The following IFT43 variants were observed in gnomAD, a reference collection of about 807,000 sequenced individuals.
The protein encoded by IFT43 is intraflagellar transport protein 43 homolog.
In IFT43, 33 loss-of-function variants were observed where a neutral mutation model predicts 32.3. The ratio of observed to expected loss-of-function variants is 1.02; its 90% confidence interval spans 0.77 to 1.37. The LOEUF is 1.37. Among genes scored for constraint, IFT43 ranks in the 40% most tolerant of loss-of-function variants. The probability of loss-of-function intolerance (pLI) is 0.00; values close to 1 mark genes in which losing one functional copy is unlikely to be tolerated. For synonymous variants in IFT43, 93 were observed against 98.2 expected (o/e 0.95, Z 0.31); for missense variants, 274 against 265.9 (o/e 1.03, Z -0.21).
At chr14:76,061,669 G>T (rs1225708285) in intron 5 of IFT43, among the ~76,000 whole-genome samples, 1 of 151,950 alleles carries the variant, frequency 6.6e-6, no homozygotes, top group African/African-American at 2.4e-5. Context: ...GTTTCCTTTT[G>T]TATATCTTCC....
At chr14:76,010,383 C>G (rs2036060843) in intron 2 of IFT43, among the ~76,000 whole-genome samples, 1 of 152,140 alleles carries the variant, frequency 6.6e-6, no homozygotes, top group Non-Finnish European at 1.5e-5. Flanking sequence ...TCCTCCATAC[C>G]AACCCTGCCT....
At chr14:76,075,632 C>G (rs2037399782) in intron 5 of IFT43, among the ~76,000 whole-genome samples, 2 of 152,198 alleles carry the variant, frequency 1.3e-5, no homozygotes, top group Admixed American at 1.3e-4. Flanking sequence ...ACAGAATTTG[C>G]TGAACACGGC....
chr14:76,058,514 A>T lies in IFT43; in HGVS notation c.216-128A>T, dbSNP rs2037068300. On this transcript the variant is annotated intron_variant, in intron 3 of 8. Transcript: ENST00000314067. ...GTTGTGGGGCTTGTCTCTAAAGAGG[A>T]CTGCAGACAAATAAAGCACTTGAGA... 3.9e-6 allele frequency: 4 copies of T among 1,028,730 alleles called. 1 individual carries two copies. In the South Asian group the frequency reaches 5.6e-5, roughly 14 times the overall value. 63.7% of individuals were successfully genotyped at this position (1,028,730 alleles called of 1,614,324 possible).
intron 4 of IFT43, chr14:76,059,029 T>C: frequency 8.4e-6 from 12 of 1,421,044 alleles, no homozygotes; most frequent in Non-Finnish European, 1.0e-5. Context: ...AGAAAGAAGT[T>C]TTCTAGATAA....
chr14:76,056,234 C>T (rs2037012410), intron 3 of IFT43, among the ~76,000 whole-genome samples: 1 of 152,194 alleles, frequency 6.6e-6, no homozygotes, highest in Non-Finnish European at 1.5e-5. Context: ...CCCGTTATTT[C>T]TGGCAGAGAG....
At chr14:76,027,074 C>T (rs1196098051) in intron 3 of IFT43, among the ~76,000 whole-genome samples, 1 of 151,212 alleles carries the variant, frequency 6.6e-6, no homozygotes, top group African/African-American at 2.4e-5. Context: ...CACATTGGGG[C>T]CTTTTGAAAG....
intron 2 of IFT43, among the ~76,000 whole-genome samples, chr14:76,004,803 G>A (rs924049909): frequency 6.6e-6 from 1 of 151,974 alleles, no homozygotes; most frequent in Non-Finnish European, 1.5e-5. Context: ...GTTCACTGAT[G>A]ATTTTTACTG....
intron 2 of IFT43, among the ~76,000 whole-genome samples, chr14:75,999,249 A>ATAAATTCATTT (rs1555362908): frequency 0.036 from 471 of 13,208 alleles, no homozygotes; most frequent in Non-Finnish European, 0.05. Context: ...ATATATATAT[A>ATAAATTCATTT]TATATATATA....
intron 5 of IFT43, among the ~76,000 whole-genome samples, chr14:76,066,058 A>G (rs1432693908): frequency 1.3e-5 from 2 of 152,342 alleles, no homozygotes; most frequent in East Asian, 3.9e-4. Context: ...GGCTCTAACA[A>G]ATGGTACAAC....
At chr14:76,016,859 G>A (rs2036197603) in intron 2 of IFT43, among the ~76,000 whole-genome samples, 4 of 151,994 alleles carry the variant, frequency 2.6e-5, no homozygotes, top group Admixed American at 2.6e-4. Context: ...TTTGTTATTG[G>A]TGTGTAAAAA....
At chr14:76,049,124 T>C (rs1373231215) in intron 3 of IFT43, among the ~76,000 whole-genome samples, 1 of 152,204 alleles carries the variant, frequency 6.6e-6, no homozygotes, top group Non-Finnish European at 1.5e-5. Flanking sequence ...AATAAAGGTT[T>C]CCAGAAGCAC....
intron 2 of IFT43, among the ~76,000 whole-genome samples, chr14:76,015,881 G>A (rs1444673793): frequency 6.6e-6 from 1 of 152,220 alleles, no homozygotes; most frequent in Non-Finnish European, 1.5e-5. Context: ...ACTGGGGTAA[G>A]ATGATATCTC....
At chr14:76,075,083 C>T (rs1338599091) in intron 5 of IFT43, among the ~76,000 whole-genome samples, 1 of 152,220 alleles carries the variant, frequency 6.6e-6, no homozygotes, top group Non-Finnish European at 1.5e-5. Context: ...CTCTGTCTCC[C>T]CATCGCATGC....
At chr14:76,020,561 G>A (rs1035586910) in intron 2 of IFT43, among the ~76,000 whole-genome samples, 1 of 152,070 alleles carries the variant, frequency 6.6e-6, no homozygotes, top group Non-Finnish European at 1.5e-5. Context: ...TGGTAGGGTG[G>A]GGTGCTTTGG....
chr14:76,002,535 C>T lies in IFT43; in HGVS notation c.147+13558C>T, dbSNP rs528170716. On this transcript the variant is annotated intron_variant, in intron 2 of 8. Coordinates refer to ENST00000314067, the MANE Select transcript of IFT43 (RefSeq NM_001102564.3). ...GAGTTTCAAAAAGTAGCAACAAGGC[C>T]ATTGGCATTTAAAGGGTCTGGGAAC... is the stretch of plus-strand genomic sequence containing the variant. Among the ~76,000 whole-genome samples, 276 of 152,188 alleles carry T rather than the reference C, an allele frequency of 1.8e-3. 3 individuals are homozygous for T. The highest frequency in any genetic ancestry group is 6.4e-3 in the African/African-American group (264 of 41,522).
chr14:76,048,180 G>T (rs989161609), intron 3 of IFT43, among the ~76,000 whole-genome samples: 1 of 152,174 alleles, frequency 6.6e-6, no homozygotes, highest in Non-Finnish European at 1.5e-5. Flanking sequence ...TCACAAAAAG[G>T]CCATGCACTA....
intron 2 of IFT43, among the ~76,000 whole-genome samples, chr14:76,016,002 G>C (rs983978437): frequency 6.6e-6 from 1 of 152,144 alleles, no homozygotes; most frequent in African/African-American, 2.4e-5. Context: ...TCCTTTGCCT[G>C]CTTTTTAATG....
intron 3 of IFT43, among the ~76,000 whole-genome samples, chr14:76,024,852 T>C (rs1180654469): frequency 6.6e-6 from 1 of 152,246 alleles, no homozygotes; most frequent in African/African-American, 2.4e-5. Flanking sequence ...ATTGCTTAAA[T>C]ATAGTTATTC....
At chr14:76,007,636 C>A (rs1055546390) in intron 2 of IFT43, among the ~76,000 whole-genome samples, 2 of 152,120 alleles carry the variant, frequency 1.3e-5, no homozygotes, top group African/African-American at 4.8e-5. Context: ...CAATATTATG[C>A]ACATTTCTGG....
Sources: allele counts gnomAD v4.1 joint callset (sites outside exome capture counted in the v4.1 genomes callset), GRCh38; gene constraint gnomAD v4.1.1; transcripts MANE v1.5; gene names NCBI Gene and HGNC (gene_info 2026-07-23, HGNC 2026-07-21).